The following MAML2 variants were observed in gnomAD, a reference collection of about 807,000 sequenced individuals.
MAML2 encodes mastermind like transcriptional coactivator 2.
MAML2 carries 22 observed loss-of-function variants against 96.1 expected under a neutral mutation model. The ratio of observed to expected loss-of-function variants is 0.23; its 90% CI spans 0.16 to 0.33. The LOEUF (loss-of-function observed/expected upper bound fraction) is 0.33. Ranked by LOEUF, MAML2 falls within the 10% of genes least tolerant of loss-of-function variation. The pLI is 1.00. For synonymous variants in MAML2, 561 were observed against 521.3 expected, an observed-to-expected ratio of 1.08 and a Z score of -1.04; for missense variants, 1,367 against 1,392.4, an observed-to-expected ratio of 0.98 and a Z score of 0.29.
At chr11:96,196,232 G>A (rs1292940709) in intron 1 of MAML2, among the ~76,000 whole-genome samples, 5 of 152,166 alleles carry the variant, frequency 3.3e-5, no homozygotes, top group Non-Finnish European at 1.5e-5. Context: ...ATCATTGTTC[G>A]TGTGTTTCCT....
intron 1 of MAML2, among the ~76,000 whole-genome samples, chr11:96,118,199 G>T (rs1860276358): frequency 1.3e-5 from 2 of 152,288 alleles, no homozygotes; most frequent in African/African-American, 4.8e-5. Context: ...CAAGCTACTT[G>T]CACGAAAAGA....
rs187841217 is a variant in MAML2, at chr11:96,093,529, A to G, written c.514-12T>C. 507 of 1,537,410 alleles carry G rather than the reference A, an allele frequency of 3.3e-4. 5 individuals carry two copies. In the African/African-American group the frequency reaches 4.3e-3, roughly 13 times the overall value. Reference sequence around the variant, plus strand: ...AAGGAACCCTGGAGCTGAAAGACAGAAGGGAATAAAAAGGAAAAATAAGAA... The same window carrying G: ...AAGGAACCCTGGAGCTGAAAGACAGGAGGGAATAAAAAGGAAAAATAAGAA... On this transcript the variant is annotated splice_polypyrimidine_tract_variant and intron_variant, in intron 1 of 4. Coordinates refer to ENST00000524717, the MANE Select transcript of MAML2 (RefSeq NM_032427.4).
chr11:96,167,492 G>A lies in MAML2; in HGVS notation c.514-73975C>T, dbSNP rs561173113. Among the ~76,000 whole-genome samples the A allele has an allele frequency of 9.9e-5, 15 of 152,230 alleles. No homozygotes were observed. In the South Asian group the frequency reaches 1.7e-3, roughly 17 times the overall value. On this transcript the variant is annotated intron_variant, in intron 1 of 4. Coordinates refer to ENST00000524717, the MANE Select transcript of MAML2 (RefSeq NM_032427.4). Reference sequence around the variant, plus strand: ...CCAGAGAACTAATCTAAATTCTTTCGCACAGAGCAGAAGATCTTTCACTCT... The same window carrying A: ...CCAGAGAACTAATCTAAATTCTTTCACACAGAGCAGAAGATCTTTCACTCT...
chr11:96,182,960 T>C (rs973863705), intron 1 of MAML2, among the ~76,000 whole-genome samples: 2 of 62,608 alleles, frequency 3.2e-5, no homozygotes, highest in African/African-American at 5.8e-5. Context: ...TTCTTTTCTT[T>C]TTTTTTTTTT....
At chr11:96,161,765 C>G (rs1861107031) in intron 1 of MAML2, among the ~76,000 whole-genome samples, 1 of 152,250 alleles carries the variant, frequency 6.6e-6, no homozygotes, top group Non-Finnish European at 1.5e-5. Context: ...TGTCCAGGAA[C>G]TTTCCACATT....
chr11:96,165,890 A>G (rs982252347), intron 1 of MAML2, among the ~76,000 whole-genome samples: 1 of 152,112 alleles, frequency 6.6e-6, no homozygotes, highest in Non-Finnish European at 1.5e-5. Context: ...TCCCCCATAT[A>G]TTTATTTGAC....
At chr11:96,118,564 T>C (rs1860283376) in intron 1 of MAML2, among the ~76,000 whole-genome samples, 3 of 152,232 alleles carry the variant, frequency 2.0e-5, no homozygotes, top group South Asian at 4.1e-4. Flanking sequence ...TTTATAGCAG[T>C]GTGAAAATGG....
chr11:95,983,861 A>G (rs1443021314), intron 4 of MAML2, among the ~76,000 whole-genome samples: 1 of 152,228 alleles, frequency 6.6e-6, no homozygotes, highest in Non-Finnish European at 1.5e-5. Flanking sequence ...AAGCAAAAAA[A>G]TTAATGTAAA....
At chr11:96,070,395 G>T (rs1028384587) in intron 2 of MAML2, among the ~76,000 whole-genome samples, 1 of 152,250 alleles carries the variant, frequency 6.6e-6, no homozygotes, top group African/African-American at 2.4e-5. Flanking sequence ...GAGAAGAGCT[G>T]CAGCCCCTTA....
chr11:96,315,800 A>C (rs931543260), intron 1 of MAML2, among the ~76,000 whole-genome samples: 2 of 152,192 alleles, frequency 1.3e-5, no homozygotes, highest in African/African-American at 4.8e-5. Context: ...TGCACAGAGG[A>C]GCTGGCTGTG....
At chr11:96,207,798 C>G (rs16923273) in intron 1 of MAML2, among the ~76,000 whole-genome samples, 1 of 152,198 alleles carries the variant, frequency 6.6e-6, no homozygotes, top group South Asian at 2.1e-4. Flanking sequence ...ATAAAGAAGG[C>G]ACTTTCAAGG....
chr11:96,037,386 G>C (rs1462716775), intron 2 of MAML2, among the ~76,000 whole-genome samples: 2 of 152,138 alleles, frequency 1.3e-5, no homozygotes, highest in Non-Finnish European at 2.9e-5. Flanking sequence ...CTCTTTCTCT[G>C]ATATATACAC....
At chr11:96,269,267 G>C (rs1317167892) in intron 1 of MAML2, among the ~76,000 whole-genome samples, 1 of 144,370 alleles carries the variant, frequency 6.9e-6, no homozygotes, top group Non-Finnish European at 1.5e-5. Flanking sequence ...AGTGTCTATG[G>C]TTCTGTGAAT....
At chr11:96,232,047 G>A (rs569901601) in intron 1 of MAML2, among the ~76,000 whole-genome samples, 1 of 152,266 alleles carries the variant, frequency 6.6e-6, no homozygotes, top group African/African-American at 2.4e-5. Flanking sequence ...TGATGAATCC[G>A]AGGAAGATGA....
At chr11:95,998,122 A>ATCTGTCTG (rs138084497) in intron 2 of MAML2, among the ~76,000 whole-genome samples, 27 of 117,458 alleles carry the variant, frequency 2.3e-4, no homozygotes, top group South Asian at 6.1e-4. Flanking sequence ...TTTTCTATCT[A>ATCTGTCTG]TCTGTCTGTC....
chr11:96,273,878 T>A (rs1272645898), intron 1 of MAML2, among the ~76,000 whole-genome samples: 1 of 152,172 alleles, frequency 6.6e-6, no homozygotes, highest in East Asian at 1.9e-4. Context: ...AAATGGAGAT[T>A]TAAAACTTTT....
intron 1 of MAML2, among the ~76,000 whole-genome samples, chr11:96,198,952 C>T (rs987145181): frequency 1.6e-4 from 24 of 150,908 alleles, no homozygotes; most frequent in Non-Finnish European, 3.1e-4. Context: ...AATCCCAGCA[C>T]TTTGGGAGGC....
At chr11:96,306,062 A>G (rs1017136332) in intron 1 of MAML2, among the ~76,000 whole-genome samples, 2 of 150,154 alleles carry the variant, frequency 1.3e-5, no homozygotes, top group South Asian at 4.2e-4. Flanking sequence ...CAAATTATGT[A>G]TATATAATTA....
chr11:96,276,625 T>C (rs911658567), intron 1 of MAML2, among the ~76,000 whole-genome samples: 1 of 152,104 alleles, frequency 6.6e-6, no homozygotes, highest in East Asian at 1.9e-4. Context: ...GCATAAGAAC[T>C]AGCTTTTTGG....
Sources: gnomAD v4.1 joint callset for allele counts (sites outside exome capture counted in the v4.1 genomes callset) on GRCh38, gnomAD v4.1.1 for gene constraint, MANE v1.5 for transcripts, NCBI Gene and HGNC (gene_info 2026-07-23, HGNC 2026-07-21) for gene names.